TMEM51: variants seen among roughly 807,000 people sequenced by gnomAD.
The protein encoded by TMEM51 is transmembrane protein 51.
TMEM51 carries 8 observed loss-of-function variants against 13.6 expected under a neutral mutation model. The ratio of observed to expected loss-of-function variants is 0.59; its 90% confidence interval spans 0.35 to 1.07. The LOEUF (loss-of-function observed/expected upper bound fraction) is 1.07. TMEM51 is among the 50% of genes least tolerant of loss of function. TMEM51 has a pLI of 0.02. For missense variants in TMEM51, 279 were observed against 330.7 expected (o/e 0.84, Z 1.21); for synonymous variants, 147 against 144.4 (o/e 1.02, Z -0.13).
intron 1 of TMEM51, among the ~76,000 whole-genome samples, chr1:15,173,912 C>T (rs886660505): frequency 6.6e-6 from 1 of 152,194 alleles, no homozygotes; most frequent in African/African-American, 2.4e-5. Context: ...TTCAAGAAAG[C>T]AAGTTGGAAG....
At chr1:15,166,714 A>C (rs904081591) in intron 1 of TMEM51, among the ~76,000 whole-genome samples, 1 of 152,146 alleles carries the variant, frequency 6.6e-6, no homozygotes, top group East Asian at 1.9e-4. Flanking sequence ...GTGAGACTCT[A>C]TCTCAAAAAA....
At chr1:15,173,800 G>A (rs1282853262) in intron 1 of TMEM51, among the ~76,000 whole-genome samples, 3 of 152,174 alleles carry the variant, frequency 2.0e-5, no homozygotes, top group East Asian at 3.9e-4. Flanking sequence ...CATGCTGAAC[G>A]TTTCTATGAA....
chr1:15,217,634 G>C (rs926924575), intron 3 of TMEM51, among the ~76,000 whole-genome samples: 1 of 152,142 alleles, frequency 6.6e-6, no homozygotes, highest in Non-Finnish European at 1.5e-5. Context: ...AACGAGGAGA[G>C]GTGAGGGTAT....
At chr1:15,189,574 G>A (rs898806585) in intron 1 of TMEM51, among the ~76,000 whole-genome samples, 2 of 152,176 alleles carry the variant, frequency 1.3e-5, no homozygotes, top group Non-Finnish European at 2.9e-5. Context: ...AACACTCACT[G>A]ATCTACCAGA....
At chr1:15,216,771 A>C (rs1644438748) in intron 3 of TMEM51, among the ~76,000 whole-genome samples, 1 of 152,216 alleles carries the variant, frequency 6.6e-6, no homozygotes, top group Admixed American at 6.5e-5. Flanking sequence ...CTATGCAGCA[A>C]CTGTTGATCT....
In TMEM51 at chr1:15,154,870, C is replaced by G. The variant is rs552890527; in HGVS notation, c.-267+916C>G. Among the ~76,000 whole-genome samples, 696 of 151,752 alleles carry G rather than the reference C, an allele frequency of 4.6e-3. 1 individual carries two copies. Among genetic ancestry groups the G allele is most frequent in the Non-Finnish European group, 7.9e-3 (537 of 67,870 alleles). ...CAGGGGAGGTCTGGCTGCTGGGAAC[C>G]CGGGCGCTGCCGGAGTGGGGTGGGC... On this transcript the variant is annotated intron_variant, in intron 1 of 3. Coordinates refer to ENST00000376008, the MANE Select transcript of TMEM51 (RefSeq NM_001136218.2).
At chr1:15,176,394 T>C (rs1446783021) in intron 1 of TMEM51, among the ~76,000 whole-genome samples, 1 of 152,088 alleles carries the variant, frequency 6.6e-6, no homozygotes, top group African/African-American at 2.4e-5. Context: ...CCGGTAGCAA[T>C]TGGCTGATAC....
intron 1 of TMEM51, among the ~76,000 whole-genome samples, chr1:15,164,186 C>A (rs1642902858): frequency 6.6e-6 from 1 of 152,020 alleles, no homozygotes; most frequent in Non-Finnish European, 1.5e-5. Context: ...AAATTGACAT[C>A]ACAACTAACT....
At chr1:15,191,287 G>T (rs1643916282) in intron 1 of TMEM51, among the ~76,000 whole-genome samples, 2 of 152,214 alleles carry the variant, frequency 1.3e-5, no homozygotes, top group African/African-American at 4.8e-5. Flanking sequence ...CACAGCCGTT[G>T]GTCACCTTGA....
At chr1:15,170,401 C>T (rs1643217235) in intron 1 of TMEM51, among the ~76,000 whole-genome samples, 1 of 151,242 alleles carries the variant, frequency 6.6e-6, no homozygotes, top group Admixed American at 6.6e-5. Context: ...CTCCGCCTTC[C>T]AGTTTCAAGC....
intron 3 of TMEM51, among the ~76,000 whole-genome samples, chr1:15,215,668 T>A (rs77250326): frequency 0.015 from 2,327 of 152,328 alleles, 69 homozygotes; most frequent in African/African-American, 0.053. Flanking sequence ...CAAGATTTTT[T>A]AAAAATTTTA....
At chr1:15,165,317 G>C (rs1642957353) in intron 1 of TMEM51, among the ~76,000 whole-genome samples, 1 of 151,856 alleles carries the variant, frequency 6.6e-6, no homozygotes, top group South Asian at 2.1e-4. Context: ...AAAAAAAGAA[G>C]AAGAAATGCT....
chr1:15,180,392 G>A (rs1008606736), intron 1 of TMEM51, among the ~76,000 whole-genome samples: 1 of 152,214 alleles, frequency 6.6e-6, no homozygotes, highest in Non-Finnish European at 1.5e-5. Flanking sequence ...GGGAACAGAG[G>A]CCAGCACTCA....
In TMEM51 at chr1:15,193,575, C is replaced by CTTTTTTTTTTTTTTTTTTTTT. The variant is rs3078881; in HGVS notation, c.-266-16895_-266-16894insTTTTTTTTTTTTTTTTTTTTT. On this transcript the variant is annotated intron_variant, in intron 1 of 3. Coordinates refer to ENST00000376008, the MANE Select transcript of TMEM51 (RefSeq NM_001136218.2). ...CATTTTCTTTTTCTTTTCTTTCTTT[C>CTTTTTTTTTTTTTTTTTTTTT]TTTTTTTTTTTTTTTTTTTTGAGAC... Among the ~76,000 whole-genome samples the CTTTTTTTTTTTTTTTTTTTTT allele has an allele frequency of 7.8e-5, 9 of 114,652 alleles. 1 individual carries two copies. The highest frequency in any genetic ancestry group is 2.8e-4 in the South Asian group (1 of 3,584). The allele number at this position is 114,652 out of a possible 152,430, so 75.2% of individuals were successfully genotyped here.
chr1:15,190,535 C>A (rs1330394105), intron 1 of TMEM51, among the ~76,000 whole-genome samples: 1 of 152,112 alleles, frequency 6.6e-6, no homozygotes, highest in Non-Finnish European at 1.5e-5. Flanking sequence ...CAGTGAATTC[C>A]CTTTAAATTA....
intron 2 of TMEM51, among the ~76,000 whole-genome samples, chr1:15,212,531 C>A (rs1348488949): frequency 6.6e-6 from 1 of 152,198 alleles, no homozygotes; most frequent in Non-Finnish European, 1.5e-5. Flanking sequence ...GTGCTCAGAA[C>A]GTGGTATTTT....
intron 1 of TMEM51, among the ~76,000 whole-genome samples, chr1:15,172,162 A>G (rs1223243308): frequency 1.3e-5 from 2 of 152,148 alleles, no homozygotes; most frequent in African/African-American, 4.8e-5. Context: ...GGATCGCTTG[A>G]GCCCAGGAGT....
intron 1 of TMEM51, among the ~76,000 whole-genome samples, chr1:15,204,963 G>C (rs1644223664): frequency 6.6e-6 from 1 of 152,270 alleles, no homozygotes; most frequent in East Asian, 1.9e-4. Flanking sequence ...CGAGGTGTCA[G>C]ACTCACATTG....
intron 1 of TMEM51, among the ~76,000 whole-genome samples, chr1:15,170,412 G>A (rs1458971743): frequency 4.7e-5 from 7 of 149,590 alleles, no homozygotes; most frequent in Non-Finnish European, 1.0e-4. Flanking sequence ...AGTTTCAAGC[G>A]ATTCTCCTGC....
Sources: gnomAD v4.1 joint callset for allele counts (sites outside exome capture counted in the v4.1 genomes callset) on GRCh38, gnomAD v4.1.1 for gene constraint, MANE v1.5 for transcripts, NCBI Gene and HGNC (gene_info 2026-07-23, HGNC 2026-07-21) for gene names.